CACNA1E: variants seen among roughly 807,000 people sequenced by gnomAD.
The protein encoded by CACNA1E is voltage-dependent R-type calcium channel subunit alpha-1E.
In CACNA1E, 40 loss-of-function variants were observed where a neutral mutation model predicts 259.2. The observed-to-expected ratio is 0.15, with a 90% CI of 0.12 to 0.20. The LOEUF (loss-of-function observed/expected upper bound fraction) is 0.20. Ranked by LOEUF, CACNA1E falls within the 10% of genes least tolerant of loss-of-function variation. CACNA1E has a pLI of 1.00. For synonymous variants in CACNA1E, 1,104 were observed against 1,138.5 expected (o/e 0.97, Z 0.61); for missense variants, 1,874 against 3,040.1 (o/e 0.62, Z 9.02).
chr1:181,573,700 C>G (rs777672820), intron 3 of CACNA1E, among the ~76,000 whole-genome samples: 37 of 152,210 alleles, frequency 2.4e-4, no homozygotes, highest in Non-Finnish European at 5.0e-4. Context: ...AGTTCAACCA[C>G]TGTGGAAGAC....
At position 181,627,145 on chromosome 1, in the gene CACNA1E, C is replaced by T. The variant is rs1024289868; in HGVS notation, c.952-24193C>T. On this transcript the variant is annotated intron_variant, in intron 6 of 47. Coordinates refer to ENST00000367573, the MANE Select transcript of CACNA1E (RefSeq NM_001205293.3). ...TAGATACTCTAGCAAGATGAAAGAA[C>T]AAGGAAGAATTTCAAAATTCAGTTC... Among the ~76,000 whole-genome samples, 3 of 152,088 alleles carry T rather than the reference C, an allele frequency of 2.0e-5. No individual in the cohort carries two copies. In the South Asian group the frequency reaches 6.2e-4, roughly 32 times the overall value.
chr1:181,688,991 TTTTAAC>T (rs138276772), intron 7 of CACNA1E, among the ~76,000 whole-genome samples: 7,082 of 152,296 alleles, frequency 0.047, 189 homozygotes, highest in Non-Finnish European at 0.072. Context: ...ATTTTGATTT[TTTTAAC>T]TTTAAGTTCT....
intron 6 of CACNA1E, among the ~76,000 whole-genome samples, chr1:181,620,425 G>A (rs1044527331): frequency 6.6e-6 from 1 of 152,196 alleles, no homozygotes; most frequent in Non-Finnish European, 1.5e-5. Context: ...GGGCATACAC[G>A]TGCAATTGAA....
chr1:181,510,452 T>A (rs771178645), intron 1 of CACNA1E, 25 bp from the exon 2 acceptor site: 1 of 1,546,606 alleles, frequency 6.5e-7, no homozygotes, highest in South Asian at 1.1e-5. Context: ...TCTGGTGAAT[T>A]TGTTCCTTAA....
At chr1:181,380,175 C>T (rs1655364741) in intron 1 of CACNA1E, among the ~76,000 whole-genome samples, 1 of 151,500 alleles carries the variant, frequency 6.6e-6, no homozygotes, top group South Asian at 2.1e-4. Flanking sequence ...GAGGAAAAAA[C>T]TTATCAATAA....
At chr1:181,717,840 A>G (rs1572690136) in intron 11 of CACNA1E, among the ~76,000 whole-genome samples, 1 of 152,182 alleles carries the variant, frequency 6.6e-6, no homozygotes, top group Non-Finnish European at 1.5e-5. Context: ...ACCTATTGAA[A>G]GAGAGCAATG....
intron 2 of CACNA1E, among the ~76,000 whole-genome samples, chr1:181,473,392 G>C (rs2102420402): frequency 6.6e-6 from 1 of 152,294 alleles, no homozygotes; most frequent in South Asian, 2.1e-4. Flanking sequence ...TGAGAGTTTT[G>C]AAGGGTTGAA....
intron 5 of CACNA1E, 114 bp from the exon 6 acceptor site, chr1:181,580,481 G>A: frequency 1.0e-6 from 1 of 970,376 alleles, no homozygotes; most frequent in Admixed American, 1.8e-5. Flanking sequence ...ACAAAAAAGG[G>A]CAGGCCTCTT....
chr1:181,376,794 C>T (rs979053016), intron 1 of CACNA1E, among the ~76,000 whole-genome samples: 5 of 152,080 alleles, frequency 3.3e-5, no homozygotes, highest in Admixed American at 6.5e-5. Flanking sequence ...TTGTCACATT[C>T]GACTCAGTGA....
intron 7 of CACNA1E, among the ~76,000 whole-genome samples, chr1:181,686,248 A>G (rs1344474930): frequency 1.4e-5 from 2 of 147,296 alleles, no homozygotes; most frequent in African/African-American, 2.5e-5. Context: ...ATCCAATTAC[A>G]GAGGCTTGGA....
In CACNA1E at chr1:181,485,303, G is replaced by A. The variant is rs184686667; in HGVS notation, c.266+1293G>A. ...CAGACACGCGGCTCATTTCCCCCAG[G>A]GCCTGGGCATCTCCCTACTCCCCCA... On this transcript the variant is annotated intron_variant, in intron 1 of 47. Transcript: ENST00000367573. The surrounding 1 kb of genome is among the most constrained non-coding windows in gnomAD (Gnocchi z 4.2). 2.3e-3 allele frequency among the ~76,000 whole-genome samples: 351 copies of A among 152,160 alleles called. No individual in the cohort carries two copies. Among genetic ancestry groups the A allele is most frequent in the African/African-American group, 8.2e-3 (341 of 41,490 alleles).
intron 2 of CACNA1E, among the ~76,000 whole-genome samples, chr1:181,477,477 ATGAG>A (rs1558034326): frequency 6.6e-6 from 1 of 152,256 alleles, no homozygotes; most frequent in South Asian, 2.1e-4. Flanking sequence ...AAGGGGATTA[ATGAG>A]TATTTGTTAA....
chr1:181,610,340 C>T (rs1381585743), intron 6 of CACNA1E, among the ~76,000 whole-genome samples: 1 of 152,176 alleles, frequency 6.6e-6, no homozygotes, highest in Non-Finnish European at 1.5e-5. Context: ...TGAGAACGCT[C>T]CTCCCAAATA....
chr1:181,597,317 CAA>C lies in CACNA1E; in HGVS notation c.951+16543_951+16544del, dbSNP rs1653282533. ...GAGAAAGGGGCTCCCTTATTATTGTCAAAGTCATCTTGTTTACAATGGCTTCA... is the reference window on the plus strand; with the variant it reads ...GAGAAAGGGGCTCCCTTATTATTGTCAGTCATCTTGTTTACAATGGCTTCA... On this transcript the variant is annotated intron_variant, in intron 6 of 47. Transcript: ENST00000367573. 9.2e-5 allele frequency among the ~76,000 whole-genome samples: 14 copies of C among 152,264 alleles called. No individual in the cohort carries two copies. In the South Asian group the frequency reaches 2.9e-3, roughly 32 times the overall value.
intron 3 of CACNA1E, among the ~76,000 whole-genome samples, chr1:181,537,947 T>C (rs1394544455): frequency 6.6e-6 from 1 of 152,230 alleles, no homozygotes; most frequent in African/African-American, 2.4e-5. Flanking sequence ...ACCTGAAATA[T>C]ATTGGAACAA....
At chr1:181,393,639 G>C (rs1656450798) in intron 1 of CACNA1E, among the ~76,000 whole-genome samples, 1 of 152,096 alleles carries the variant, frequency 6.6e-6, no homozygotes, top group Admixed American at 6.6e-5. Context: ...TGTATTTTTG[G>C]TAGAGACAGA....
At chr1:181,330,258 T>A (rs1651150607) in intron 1 of CACNA1E, among the ~76,000 whole-genome samples, 1 of 152,132 alleles carries the variant, frequency 6.6e-6, no homozygotes, top group Admixed American at 6.5e-5. Context: ...GCACCCTGAT[T>A]TCGCTCTGAT....
chr1:181,498,705 G>T (rs567985731), intron 1 of CACNA1E, among the ~76,000 whole-genome samples: 13 of 152,276 alleles, frequency 8.5e-5, no homozygotes, highest in African/African-American at 2.9e-4. Flanking sequence ...GGCCATAGAG[G>T]TTAAATGATT....
At chr1:181,647,496 C>G (rs1166566375) in intron 6 of CACNA1E, among the ~76,000 whole-genome samples, 1 of 152,190 alleles carries the variant, frequency 6.6e-6, no homozygotes, top group Non-Finnish European at 1.5e-5. Flanking sequence ...CTGAGACAGA[C>G]ACGTGCACAC....
Sources: gnomAD v4.1 joint callset for allele counts (sites outside exome capture counted in the v4.1 genomes callset) on GRCh38, gnomAD v4.1.1 for gene constraint, Gnocchi (gnomAD v3.1) non-coding constraint, MANE v1.5 for transcripts, NCBI Gene and HGNC (gene_info 2026-07-23, HGNC 2026-07-21) for gene names.